The following GRIN2A variants were observed in gnomAD, a reference collection of about 807,000 sequenced individuals.
The protein encoded by GRIN2A is glutamate receptor ionotropic, NMDA 2A.
In GRIN2A, 22 loss-of-function variants were observed where a neutral mutation model predicts 113.4. The ratio of observed to expected loss-of-function variants is 0.19; its 90% CI spans 0.14 to 0.28. The LOEUF (loss-of-function observed/expected upper bound fraction) is 0.28. Ranked by LOEUF, GRIN2A falls within the 10% of genes least tolerant of loss-of-function variation. GRIN2A has a pLI of 1.00. For synonymous variants in GRIN2A, 827 were observed against 738.4 expected, an observed-to-expected ratio of 1.12 and a Z score of -1.94; for missense variants, 1,502 against 1,887.0, an observed-to-expected ratio of 0.80 and a Z score of 3.78.
At chr16:10,178,968 G>A (rs1006686951) in intron 2 of GRIN2A, among the ~76,000 whole-genome samples, 4 of 152,202 alleles carry the variant, frequency 2.6e-5, no homozygotes, top group African/African-American at 4.8e-5. Flanking sequence ...AGGACTTAGA[G>A]GACAGTACAC....
chr16:10,131,880 G>C (rs962343815), intron 2 of GRIN2A, among the ~76,000 whole-genome samples: 12 of 152,036 alleles, frequency 7.9e-5, no homozygotes, highest in African/African-American at 2.4e-4. Context: ...TGTTATTATT[G>C]TTATTATTAC....
At chr16:10,159,150 G>A (rs2049762316) in intron 2 of GRIN2A, among the ~76,000 whole-genome samples, 1 of 152,112 alleles carries the variant, frequency 6.6e-6, no homozygotes, top group Admixed American at 6.5e-5. Flanking sequence ...CAATGAGGGT[G>A]GTGGTCCTCG....
At chr16:10,078,004 C>A (rs1232122513) in intron 2 of GRIN2A, among the ~76,000 whole-genome samples, 2 of 152,216 alleles carry the variant, frequency 1.3e-5, no homozygotes, top group African/African-American at 4.8e-5. Flanking sequence ...CTCTAAGCCT[C>A]TTTTTCCTCA....
At chr16:9,951,266 G>A (rs1021377764) in intron 2 of GRIN2A, among the ~76,000 whole-genome samples, 3 of 152,074 alleles carry the variant, frequency 2.0e-5, no homozygotes, top group Non-Finnish European at 2.9e-5. Context: ...TATTCTGCTC[G>A]CAAATCACTC....
At chr16:9,937,933 T>G (rs763971791) in intron 3 of GRIN2A, 26 bp downstream of exon 3, 1 of 1,526,624 alleles carries the variant, frequency 6.6e-7, no homozygotes, top group Admixed American at 1.7e-5. Context: ...TGATCCCACT[T>G]TGGGAGACAA....
intron 2 of GRIN2A, among the ~76,000 whole-genome samples, chr16:10,109,838 A>G (rs1236842123): frequency 6.6e-6 from 1 of 152,146 alleles, no homozygotes; most frequent in African/African-American, 2.4e-5. Context: ...GTATTAAAAC[A>G]TCTCATGTAC....
At chr16:9,809,822 C>T (rs1470081241) in intron 10 of GRIN2A, among the ~76,000 whole-genome samples, 1 of 152,174 alleles carries the variant, frequency 6.6e-6, no homozygotes, top group African/African-American at 2.4e-5. Context: ...AATCCCAACA[C>T]TTTGGGAGGC....
intron 2 of GRIN2A, among the ~76,000 whole-genome samples, chr16:10,015,928 C>T (rs1471852936): frequency 6.6e-6 from 1 of 151,868 alleles, no homozygotes; most frequent in Non-Finnish European, 1.5e-5. Context: ...TCAGCCTGGC[C>T]AACATGATAA....
At chr16:10,104,323 C>A (rs1300440418) in intron 2 of GRIN2A, among the ~76,000 whole-genome samples, 6 of 152,064 alleles carry the variant, frequency 3.9e-5, no homozygotes, top group Non-Finnish European at 7.4e-5. Flanking sequence ...AAGGTGTAGT[C>A]ACAGGGCGAG....
chr16:10,178,496 C>T (rs2050194754), intron 2 of GRIN2A, among the ~76,000 whole-genome samples: 1 of 152,190 alleles, frequency 6.6e-6, no homozygotes, highest in African/African-American at 2.4e-5. Flanking sequence ...CCCTAAGATG[C>T]TCTCCAGTTC....
intron 3 of GRIN2A, among the ~76,000 whole-genome samples, chr16:9,892,519 G>A (rs2043714529): frequency 6.6e-6 from 1 of 152,140 alleles, no homozygotes; most frequent in Admixed American, 6.5e-5. Flanking sequence ...GATTAGATGA[G>A]GGGAAGGGAG....
intron 10 of GRIN2A, among the ~76,000 whole-genome samples, chr16:9,818,404 T>TGAAA (rs2042223331): frequency 6.7e-6 from 1 of 150,234 alleles, no homozygotes; most frequent in Non-Finnish European, 1.5e-5. Context: ...TAAAGAATGA[T>TGAAA]GAAAGACTTT....
intron 2 of GRIN2A, among the ~76,000 whole-genome samples, chr16:10,025,924 G>C (rs1228674451): frequency 1.3e-5 from 2 of 152,148 alleles, no homozygotes; most frequent in African/African-American, 4.8e-5. Context: ...GAAAAAATGG[G>C]AGGCAAGTGG....
intron 2 of GRIN2A, among the ~76,000 whole-genome samples, chr16:9,974,582 C>T (rs904314490): frequency 2.6e-5 from 4 of 152,166 alleles, no homozygotes; most frequent in African/African-American, 4.8e-5. Context: ...CCGATGCTCG[C>T]GGCCGAATAA....
chr16:10,010,459 G>A (rs1045205457), intron 2 of GRIN2A, among the ~76,000 whole-genome samples: 20 of 152,230 alleles, frequency 1.3e-4, no homozygotes, highest in Non-Finnish European at 7.4e-5. Flanking sequence ...ATGAACCCTC[G>A]AACTTAATAT....
intron 4 of GRIN2A, among the ~76,000 whole-genome samples, chr16:9,870,883 C>A (rs182314330): frequency 1.4e-3 from 220 of 152,202 alleles, no homozygotes; most frequent in Non-Finnish European, 2.6e-3. Flanking sequence ...GGCAATTCAC[C>A]CTCCTCGGCC....
chr16:10,139,993 G>C (rs147794336), intron 2 of GRIN2A, among the ~76,000 whole-genome samples: 13 of 152,116 alleles, frequency 8.5e-5, no homozygotes, highest in Admixed American at 1.3e-4. Flanking sequence ...CAGTAAATGA[G>C]AAATAGGAAT....
chr16:9,824,856 C>T (rs1307807631), intron 9 of GRIN2A, among the ~76,000 whole-genome samples: 1 of 152,066 alleles, frequency 6.6e-6, no homozygotes, highest in Non-Finnish European at 1.5e-5. Flanking sequence ...TCATGACCTA[C>T]AGCGTGAAAA....
chr16:9,791,861 A>C (rs1902624258), intron 11 of GRIN2A, among the ~76,000 whole-genome samples: 1 of 152,092 alleles, frequency 6.6e-6, no homozygotes, highest in South Asian at 2.1e-4. Flanking sequence ...TGAGTTCTCC[A>C]TTGACTTCCA....
Sources: gnomAD v4.1 joint callset for allele counts (sites outside exome capture counted in the v4.1 genomes callset) on GRCh38, gnomAD v4.1.1 for gene constraint, MANE v1.5 for transcripts, NCBI Gene and HGNC (gene_info 2026-07-23, HGNC 2026-07-21) for gene names.